The following PGAP4 variants were observed in gnomAD, a reference collection of about 807,000 sequenced individuals.
PGAP4 encodes GPI-N-acetylgalactosamine transferase PGAP4.
Under a neutral mutation model 28.2 loss-of-function variants are expected in PGAP4, and 12 were observed. That is an observed-to-expected ratio of 0.42 (90% CI 0.27 to 0.69). The LOEUF (loss-of-function observed/expected upper bound fraction) is 0.69. PGAP4 is among the 30% of genes least tolerant of loss of function. The pLI is 0.22. For missense variants in PGAP4, 425 were observed against 513.5 expected (o/e 0.83, Z 1.67); for synonymous variants, 205 against 211.8 (o/e 0.97, Z 0.28).
chr9:101,491,126 C>T (rs1251798232), upstream of PGAP4, among the ~76,000 whole-genome samples: 1 of 152,156 alleles, frequency 6.6e-6, no homozygotes, highest in Non-Finnish European at 1.5e-5. Context: ...ACTTCCTTTG[C>T]TGTAAAATGG....
At chr9:101,489,550 T>C (rs905950840), upstream of PGAP4, among the ~76,000 whole-genome samples, 1 of 152,230 alleles carries the variant, frequency 6.6e-6, no homozygotes, top group Non-Finnish European at 1.5e-5. Flanking sequence ...AGACATCCTA[T>C]GGGACCTGTC....
At chr9:101,482,559 G>A (rs187420817) in intron 1 of PGAP4, among the ~76,000 whole-genome samples, 140 of 152,212 alleles carry the variant, frequency 9.2e-4, no homozygotes, top group African/African-American at 3.0e-3. Context: ...TCAGAACATG[G>A]CACTCTTTTC....
chr9:101,500,400 C>G (rs1826786378), intron 2 of PGAP4, among the ~76,000 whole-genome samples: 1 of 152,054 alleles, frequency 6.6e-6, no homozygotes, highest in South Asian at 2.1e-4. Flanking sequence ...ATCACCACAT[C>G]TGTGACTACT....
chr9:101,501,407 A>G (rs1052071628), intron 2 of PGAP4, among the ~76,000 whole-genome samples: 2 of 152,114 alleles, frequency 1.3e-5, no homozygotes, highest in Non-Finnish European at 2.9e-5. Context: ...GAAGAGCCGC[A>G]TGAAAAGAGG....
At chr9:101,494,291 TA>T (rs1361241538) in intron 2 of PGAP4, among the ~76,000 whole-genome samples, 4 of 151,864 alleles carry the variant, frequency 2.6e-5, no homozygotes, top group African/African-American at 7.2e-5. Flanking sequence ...ATTATGTAAA[TA>T]AAAATAAAAA....
intron 2 of PGAP4, chr9:101,501,536 G>T: frequency 2.5e-6 from 1 of 394,996 alleles, no homozygotes. Flanking sequence ...ACATCAACAT[G>T]ATTTCATGCA....
intron 2 of PGAP4, among the ~76,000 whole-genome samples, chr9:101,520,482 G>T (rs1230699023): frequency 6.6e-6 from 1 of 152,066 alleles, no homozygotes; most frequent in Non-Finnish European, 1.5e-5. Flanking sequence ...TGCAGCTATT[G>T]TAAAAGTGGT....
chr9:101,475,702 T>G lies in PGAP4; in HGVS notation c.*179A>C, dbSNP rs1826278694. On this transcript the variant is annotated 3_prime_UTR_variant, in exon 2 of 2. Transcript: ENST00000374848. ...CGGACCTGTGGCAAACTGCTGCTCC[T>G]GCCAGGAGGCTACCAAAGCCAAGGC... is the stretch of plus-strand genomic sequence containing the variant. The G allele has an allele frequency of 3.0e-6, 2 of 670,344 alleles. No homozygotes were observed. Among genetic ancestry groups the G allele is most frequent in the South Asian group, 2.0e-5 (1 of 50,698 alleles). The allele number at this position is 670,344 out of a possible 1,614,324, so 41.5% of individuals were successfully genotyped here.
intron 2 of PGAP4, among the ~76,000 whole-genome samples, chr9:101,519,479 G>A (rs1826968904): frequency 6.6e-6 from 1 of 152,078 alleles, no homozygotes; most frequent in East Asian, 1.9e-4. Flanking sequence ...GTTTCTTACT[G>A]ATTTGTTTGA....
chr9:101,518,123 G>A (rs545828339), intron 2 of PGAP4, among the ~76,000 whole-genome samples: 1 of 152,226 alleles, frequency 6.6e-6, no homozygotes, highest in Admixed American at 6.5e-5. Flanking sequence ...TTATAAGTGA[G>A]AATATGCAGT....
chr9:101,501,033 A>C (rs775023734), intron 2 of PGAP4, among the ~76,000 whole-genome samples: 21 of 152,098 alleles, frequency 1.4e-4, no homozygotes, highest in Non-Finnish European at 2.1e-4. Flanking sequence ...TTTTTCTTCA[A>C]GTGGATACAT....
chr9:101,512,650 A>T (rs1162585851), intron 2 of PGAP4, among the ~76,000 whole-genome samples: 1 of 152,154 alleles, frequency 6.6e-6, no homozygotes, highest in Non-Finnish European at 1.5e-5. Flanking sequence ...GCTTTTATCA[A>T]ATGTCTATAT....
chr9:101,502,306 CTCAG>C, intron 2 of PGAP4, among the ~76,000 whole-genome samples: 1 of 152,032 alleles, frequency 6.6e-6, no homozygotes, highest in East Asian at 1.9e-4. Flanking sequence ...TACCTCTGTC[CTCAG>C]TGACGTACTC....
intron 2 of PGAP4, among the ~76,000 whole-genome samples, chr9:101,505,952 T>C (rs1387954963): frequency 6.6e-6 from 1 of 152,158 alleles, no homozygotes; most frequent in East Asian, 1.9e-4. Context: ...AATATTGATT[T>C]TGCAATTTCA....
At position 101,503,073 on chromosome 9, in the gene PGAP4, T is replaced by G. The variant is rs76190787; in HGVS notation, c.-164-13873A>C. 1.5e-3 allele frequency among the ~76,000 whole-genome samples: 232 copies of G among 152,204 alleles called. 1 individual carries two copies. The highest frequency in any genetic ancestry group is 5.5e-3 in the African/African-American group (227 of 41,568). On this transcript the variant is annotated intron_variant, in intron 2 of 3. Coordinates refer to the PGAP4 transcript ENST00000374851. ...AGAGCAGTGTGCCCAAATGAAAAACTACATTTCTCTCTCACTTCTCAGGGT... is the reference window on the plus strand; with the variant it reads ...AGAGCAGTGTGCCCAAATGAAAAACGACATTTCTCTCTCACTTCTCAGGGT...
chr9:101,529,996 A>G (rs1349197051), intron 2 of PGAP4, among the ~76,000 whole-genome samples: 2 of 152,252 alleles, frequency 1.3e-5, no homozygotes, highest in Non-Finnish European at 2.9e-5. Flanking sequence ...CAACTTGTTT[A>G]AAATAAGGGA....
intron 1 of PGAP4, among the ~76,000 whole-genome samples, chr9:101,481,190 A>G (rs1826477237): frequency 6.6e-6 from 1 of 152,188 alleles, no homozygotes; most frequent in Non-Finnish European, 1.5e-5. Flanking sequence ...ACAAAAACAA[A>G]CAAACACACA....
At chr9:101,519,342 C>T (rs751875377) in intron 2 of PGAP4, among the ~76,000 whole-genome samples, 4 of 151,924 alleles carry the variant, frequency 2.6e-5, no homozygotes, top group Middle Eastern at 3.4e-3. Context: ...GTATGTTAGT[C>T]GAGACGGGGT....
chr9:101,488,380 C>A (rs78299836), upstream of PGAP4, among the ~76,000 whole-genome samples: 165 of 152,204 alleles, frequency 1.1e-3, 2 homozygotes, highest in East Asian at 0.019. Context: ...GGATTGTAAC[C>A]AACACAAGTT....
Sources: gnomAD v4.1 joint callset for allele counts (sites outside exome capture counted in the v4.1 genomes callset) on GRCh38, gnomAD v4.1.1 for gene constraint, MANE v1.5 for transcripts, NCBI Gene and HGNC (gene_info 2026-07-23, HGNC 2026-07-21) for gene names.